PRKDC: variants seen among roughly 807,000 people sequenced by gnomAD.
The protein encoded by PRKDC is protein kinase, DNA-activated, catalytic subunit, also known as DNA-dependent protein kinase catalytic subunit.
Under a neutral mutation model 486.9 loss-of-function variants are expected in PRKDC, and 82 were observed. The ratio of observed to expected loss-of-function variants is 0.17; its 90% CI spans 0.14 to 0.20. PRKDC has a LOEUF of 0.20. Ranked by LOEUF, PRKDC falls within the 10% of genes least tolerant of loss-of-function variation. The pLI, the probability that PRKDC is intolerant of heterozygous loss-of-function variation, is 1.00. For missense variants in PRKDC, 4,504 were observed against 5,038.2 expected (o/e 0.89, Z 3.21); for synonymous variants, 1,895 against 1,837.0 (o/e 1.03, Z -0.81).
In PRKDC at chr8:47,836,418, GA is replaced by G; in HGVS notation, c.7870del (p.Ser2624ProfsTer12). ...GTLQTRTQEGSLSARWPVAGQ... is the reference protein window; with the variant it reads ...GTLQTRTQEGXLSARWPVAGQ... ...TGCCACTGGCCAGCGAGCTGAGAGG[GA>G]CCCTTCCTGGGTACGGGTCTGGAGA... On this transcript the variant is annotated frameshift_variant, in exon 58 of 86. Transcript: ENST00000314191. LOFTEE classifies it high-confidence loss of function. The G allele has an allele frequency of 6.2e-7, 1 of 1,612,938 alleles. No homozygotes were observed. The highest frequency in any genetic ancestry group is 8.5e-7 in the Non-Finnish European group (1 of 1,179,392).
At chr8:47,899,521 T>C (rs2089641571) in intron 28 of PRKDC, among the ~76,000 whole-genome samples, 1 of 152,172 alleles carries the variant, frequency 6.6e-6, no homozygotes, top group Non-Finnish European at 1.5e-5. Flanking sequence ...CAGGTCCCTG[T>C]AGTCTCAGCT....
chr8:47,913,679 C>T (rs2089942935), intron 24 of PRKDC, among the ~76,000 whole-genome samples: 1 of 152,192 alleles, frequency 6.6e-6, no homozygotes, highest in African/African-American at 2.4e-5. Context: ...AGGCATGAGC[C>T]ACCATGCCCA....
chr8:47,890,552 T>A, intron 31 of PRKDC, 72 bp from the exon 32 acceptor site: 4 of 1,223,918 alleles, frequency 3.3e-6, no homozygotes, highest in East Asian at 2.6e-5. Flanking sequence ...TAAAATTGCT[T>A]CTGTAAGTAT....
intron 4 of PRKDC, among the ~76,000 whole-genome samples, 175 bp downstream of exon 4, chr8:47,955,699 A>G (rs545068670): frequency 8.5e-5 from 13 of 152,202 alleles, no homozygotes; most frequent in Admixed American, 1.3e-4. Flanking sequence ...TCTGAAAACA[A>G]AAAGCCAGGG....
chr8:47,915,299 A>G (rs1376809070), intron 23 of PRKDC, 29 bp downstream of exon 23: 10 of 1,292,500 alleles, frequency 7.7e-6, no homozygotes, highest in Non-Finnish European at 1.1e-5. Flanking sequence ...ATATATCTAC[A>G]GAGGTTATTT....
At chr8:47,894,780 C>T (rs1001032421) in intron 30 of PRKDC, among the ~76,000 whole-genome samples, 7 of 152,176 alleles carry the variant, frequency 4.6e-5, no homozygotes, top group Non-Finnish European at 1.0e-4. Flanking sequence ...TTAAAAACCA[C>T]TGAAGGAAGC....
At chr8:47,940,758 T>C (rs936960774) in intron 10 of PRKDC, among the ~76,000 whole-genome samples, 6 of 152,220 alleles carry the variant, frequency 3.9e-5, no homozygotes, top group African/African-American at 1.2e-4. Flanking sequence ...ATTAAAGACT[T>C]GAAAATAATT....
intron 16 of PRKDC, among the ~76,000 whole-genome samples, chr8:47,931,675 C>A (rs560545122): frequency 6.6e-6 from 1 of 152,300 alleles, no homozygotes; most frequent in South Asian, 2.1e-4. Context: ...CACATCCTCC[C>A]CATTGCCTCT....
At chr8:47,793,683 T>TAAAAAAAAAAAAAAA (rs397892514) in intron 74 of PRKDC, among the ~76,000 whole-genome samples, 3 of 72,806 alleles carry the variant, frequency 4.1e-5, no homozygotes, top group East Asian at 3.9e-4. Flanking sequence ...TTAAAAAAAC[T>TAAAAAAAAAAAAAAA]AAAAAAAAAA....
intron 57 of PRKDC, 64 bp downstream of exon 57, chr8:47,837,147 TA>T: frequency 6.9e-7 from 1 of 1,449,450 alleles, no homozygotes; most frequent in Non-Finnish European, 9.5e-7. Flanking sequence ...TCAAAGCTAT[TA>T]AAAATGTTCA....
rs543893159 is a variant in PRKDC at position 47,775,029 on chromosome 8, A to G, written c.12183-652T>C. 4.6e-5 allele frequency among the ~76,000 whole-genome samples: 7 copies of G among 152,128 alleles called. No homozygotes were observed. In the South Asian group the frequency reaches 1.5e-3, roughly 32 times the overall value. ...ATGGCGAAACCCCATTTCTACTAAA[A>G]ATACAAAAATTACCAGGCGTGGTAG... is the stretch of plus-strand genomic sequence containing the variant. On this transcript the variant is annotated intron_variant, in intron 85 of 85. Coordinates refer to ENST00000314191, the MANE Select transcript of PRKDC (RefSeq NM_006904.7).
chr8:47,827,436 G>A (rs879727613), intron 62 of PRKDC, among the ~76,000 whole-genome samples: 1 of 151,952 alleles, frequency 6.6e-6, no homozygotes, highest in Admixed American at 6.6e-5. Flanking sequence ...TACTTTGAAT[G>A]GCACAGAAAA....
intron 14 of PRKDC, 36 bp from the exon 15 acceptor site, chr8:47,934,126 G>T: frequency 6.3e-7 from 1 of 1,578,520 alleles, no homozygotes; most frequent in Non-Finnish European, 8.6e-7. Context: ...ATGTAGTGAT[G>T]GATTCTCAGA....
chr8:47,877,180 A>T (rs1229433912), intron 40 of PRKDC, among the ~76,000 whole-genome samples: 1 of 152,250 alleles, frequency 6.6e-6, no homozygotes, highest in Non-Finnish European at 1.5e-5. Context: ...AACAAAATAA[A>T]TAATAGAGGA....
chr8:47,855,669 T>C (rs2088521332), intron 49 of PRKDC, among the ~76,000 whole-genome samples: 1 of 152,214 alleles, frequency 6.6e-6, no homozygotes, highest in Non-Finnish European at 1.5e-5. Context: ...ACTCTTTATC[T>C]GAGGCCCTGG....
chr8:47,795,625 C>A (rs1033915123), intron 73 of PRKDC, among the ~76,000 whole-genome samples: 3 of 151,348 alleles, frequency 2.0e-5, no homozygotes, highest in African/African-American at 7.3e-5. Context: ...TTCCGAGTAG[C>A]TGGGATTACA....
chr8:47,849,337 G>A (rs966551281), intron 53 of PRKDC, 34 bp from the exon 54 acceptor site: 40 of 1,613,616 alleles, frequency 2.5e-5, no homozygotes, highest in East Asian at 2.0e-4. Context: ...GAGGAGGGCC[G>A]AGGACCCTCC....
At chr8:47,825,781 A>G (rs1307008965) in intron 63 of PRKDC, among the ~76,000 whole-genome samples, 1 of 152,200 alleles carries the variant, frequency 6.6e-6, no homozygotes, top group African/African-American at 2.4e-5. Context: ...TAAAATCAGC[A>G]TAGCTCAGAG....
intron 34 of PRKDC, among the ~76,000 whole-genome samples, 171 bp from the exon 35 acceptor site, chr8:47,887,876 G>T (rs1024854893): frequency 4.6e-5 from 7 of 152,172 alleles, no homozygotes; most frequent in African/African-American, 1.7e-4. Context: ...GCTATTGTGA[G>T]ACAGGGTCTT....
Sources: gnomAD v4.1 joint callset for allele counts (sites outside exome capture counted in the v4.1 genomes callset) on GRCh38, gnomAD v4.1.1 for gene constraint, MANE v1.5 for transcripts, NCBI Gene and HGNC (gene_info 2026-07-23, HGNC 2026-07-21) for gene names.